DZIP1L: variants seen among roughly 807,000 people sequenced by gnomAD.
DZIP1L encodes cilium assembly protein DZIP1L.
DZIP1L carries 90 observed loss-of-function variants against 88.7 expected under a neutral mutation model. The observed-to-expected ratio is 1.02, with a 90% confidence interval of 0.86 to 1.21. The LOEUF is 1.21. Among genes scored for constraint, DZIP1L ranks in the 50% most tolerant of loss-of-function variants. DZIP1L has a pLI of 0.00. For missense variants in DZIP1L, 932 were observed against 955.8 expected, an observed-to-expected ratio of 0.98 and a Z score of 0.33; for synonymous variants, 363 against 372.1, an observed-to-expected ratio of 0.98 and a Z score of 0.28.
rs1257106992 is a variant in DZIP1L, at chr3:138,063,209, AAC to A, written c.2143-234_2143-233del. Among the ~76,000 whole-genome samples, 2 of 152,118 alleles carry A rather than the reference AAC, an allele frequency of 1.3e-5. No homozygotes were observed. Among genetic ancestry groups the A allele is most frequent in the Non-Finnish European group, 2.9e-5 (2 of 68,006 alleles). Reference sequence around the variant, plus strand: ...TTTCAAATACCCCTGAAATTCTACTAACCAAACCCAGGCAAGTGCCTTGGAAA... The same window carrying A: ...TTTCAAATACCCCTGAAATTCTACTACAAACCCAGGCAAGTGCCTTGGAAA... On this transcript the variant is annotated intron_variant, in intron 15 of 15. Transcript: ENST00000327532. This position sits in a 1 kb window ranked among gnomAD's most constrained non-coding sequence, Gnocchi z 4.1.
intron 4 of DZIP1L, among the ~76,000 whole-genome samples, chr3:138,093,484 T>C (rs562562156): frequency 6.6e-6 from 1 of 152,340 alleles, no homozygotes; most frequent in Non-Finnish European, 1.5e-5. Flanking sequence ...CCAGCTGTAT[T>C]AGACCCTAAA....
intron 1 of DZIP1L, among the ~76,000 whole-genome samples, chr3:138,115,064 G>C (rs1211320412): frequency 6.6e-6 from 1 of 152,170 alleles, no homozygotes; most frequent in Non-Finnish European, 1.5e-5. Context: ...CCGCGCACGG[G>C]TCCTTCCCTC....
At chr3:138,104,813 A>G (rs1199632080) in intron 1 of DZIP1L, among the ~76,000 whole-genome samples, 1 of 152,184 alleles carries the variant, frequency 6.6e-6, no homozygotes, top group African/African-American at 2.4e-5. Flanking sequence ...CAAGACTCAG[A>G]TTCTACTCTC....
intron 1 of DZIP1L, among the ~76,000 whole-genome samples, chr3:138,112,819 T>C (rs745341181): frequency 7.2e-5 from 11 of 152,224 alleles, no homozygotes; most frequent in Middle Eastern, 3.4e-3. Flanking sequence ...TGGTGGCTCA[T>C]GCCTGTAGTC....
chr3:138,080,237 T>C (rs1943585819), intron 10 of DZIP1L: 1 of 233,738 alleles, frequency 4.3e-6, no homozygotes, highest in Admixed American at 5.0e-5. Flanking sequence ...TTCTGCATAG[T>C]CGCAGGTGAG....
intron 2 of DZIP1L, chr3:138,102,234 T>C (rs868191630): frequency 1.4e-6 from 2 of 1,421,190 alleles, no homozygotes; most frequent in African/African-American, 1.4e-5. Flanking sequence ...CTCCTCTTCA[T>C]ACAGCTGCCT....
intron 3 of DZIP1L, among the ~76,000 whole-genome samples, chr3:138,096,672 A>G (rs546750701): frequency 6.6e-6 from 1 of 152,370 alleles, no homozygotes; most frequent in South Asian, 2.1e-4. Flanking sequence ...TTATTCAAAA[A>G]AAATTTAAGG....
At position 138,062,860 on chromosome 3, in the gene DZIP1L, T is replaced by C; in HGVS notation, c.2260A>G (p.Thr754Ala). 1 of 1,614,168 alleles carries C rather than the reference T, an allele frequency of 6.2e-7. No homozygotes were observed. ...GGTTGGCCAGAGCTCTGTGGACCAG[T>C]GCCAAACTTCTCTGGGAGCTTTGAG... is the stretch of plus-strand genomic sequence containing the variant. ...SRSKLPEKFG[T>A]GPQSSGQPRV... Residue 754 changes from threonine (T) to alanine (A), a missense_variant, in exon 16 of 16, where the codon ACT becomes GCT. Thr to Ala is a moderately conservative substitution (Grantham distance 58). Transcript: ENST00000327532.
At chr3:138,076,591 C>T (rs186801793) in intron 11 of DZIP1L, among the ~76,000 whole-genome samples, 2 of 152,258 alleles carry the variant, frequency 1.3e-5, no homozygotes, top group Admixed American at 1.3e-4. Context: ...TAAAAAGGAA[C>T]AAAATGATGG....
intron 3 of DZIP1L, 143 bp from the exon 4 acceptor site, chr3:138,095,126 C>T (rs1944410450): frequency 8.0e-7 from 1 of 1,249,186 alleles, no homozygotes; most frequent in Admixed American, 2.4e-5. Context: ...AGAACATAAC[C>T]TCCCTGTCCC....
chr3:138,072,856 C>T (rs569412694), intron 11 of DZIP1L, among the ~76,000 whole-genome samples: 4 of 152,264 alleles, frequency 2.6e-5, no homozygotes, highest in African/African-American at 9.6e-5. Context: ...ACTTTAGGAC[C>T]GCAGGCTGCG....
At chr3:138,071,545 G>T in intron 12 of DZIP1L, 98 bp downstream of exon 12, 1 of 1,377,200 alleles carries the variant, frequency 7.3e-7, no homozygotes, top group Non-Finnish European at 9.7e-7. Flanking sequence ...GCCCCTAATG[G>T]GGGACAGAGA....
chr3:138,083,982 GACTCTTCTCTCTCCTT>G (rs1943800031), intron 8 of DZIP1L, 115 bp downstream of exon 8: 1 of 1,303,802 alleles, frequency 7.7e-7, no homozygotes, highest in East Asian at 2.4e-5. Flanking sequence ...CATGCCAGAG[GACTCTTCTCTCTCCTT>G]AAGGAGCCTG....
At chr3:138,111,734 C>A (rs1284693904) in intron 1 of DZIP1L, among the ~76,000 whole-genome samples, 2 of 152,190 alleles carry the variant, frequency 1.3e-5, no homozygotes, top group Non-Finnish European at 2.9e-5. Flanking sequence ...GTGGCTCACA[C>A]CTGTAATCCC....
chr3:138,094,583 T>C (rs1944378985), intron 4 of DZIP1L, among the ~76,000 whole-genome samples: 1 of 152,378 alleles, frequency 6.6e-6, no homozygotes, highest in East Asian at 1.9e-4. Flanking sequence ...TGTACGAAGC[T>C]AAAATTCAGG....
At position 138,103,057 on chromosome 3, in the gene DZIP1L, C is replaced by G. The variant is rs572321805; in HGVS notation, c.501+414G>C. 85 of 437,072 alleles carry G rather than the reference C, an allele frequency of 1.9e-4. No individual in the cohort carries two copies. The South Asian group carries it at 2.0e-3, about 10-fold the overall frequency. 27.1% of individuals were successfully genotyped at this position (437,072 alleles called of 1,614,324 possible). A position where few individuals can be genotyped will look rare whatever the true frequency, so the allele number is the denominator to read the frequency against. On this transcript the variant is annotated intron_variant, in intron 2 of 15. Transcript: ENST00000327532. Reference sequence around the variant, plus strand: ...GAGTTGTATCCTTTATAACATAGTACAAGCACACATTACACACCACACACC... The same window carrying G: ...GAGTTGTATCCTTTATAACATAGTAGAAGCACACATTACACACCACACACC...
chr3:138,064,081 C>G (rs530307775), intron 15 of DZIP1L, among the ~76,000 whole-genome samples: 3 of 152,168 alleles, frequency 2.0e-5, no homozygotes, highest in Non-Finnish European at 4.4e-5. Flanking sequence ...CATCTGAGCT[C>G]TAAGTCTGAA....
chr3:138,089,460 A>G (rs1944102147), intron 5 of DZIP1L, among the ~76,000 whole-genome samples: 1 of 152,234 alleles, frequency 6.6e-6, no homozygotes, highest in Non-Finnish European at 1.5e-5. Flanking sequence ...GGTCTAATCT[A>G]AAGTTCTCTC....
At position 138,103,379 on chromosome 3, in the gene DZIP1L, A is replaced by G. The variant is rs1439806093; in HGVS notation, c.501+92T>C. On this transcript the variant is annotated intron_variant, in intron 2 of 15. Coordinates refer to ENST00000327532, the MANE Select transcript of DZIP1L (RefSeq NM_173543.3). ...TGAGAACAGCCCCCCAGCAGCCTTA[A>G]GGTCCCAGCAGTGCTGCCCAGTGGC... is the stretch of plus-strand genomic sequence containing the variant. The G allele has an allele frequency of 3.6e-6, 5 of 1,398,956 alleles. No individual in the cohort carries two copies. The East Asian group carries it at 9.2e-5, about 26-fold the overall frequency. The allele number at this position is 1,398,956 out of a possible 1,614,324, so 86.7% of individuals were successfully genotyped here. A position where few individuals can be genotyped will look rare whatever the true frequency, so the allele number is the denominator to read the frequency against.
Sources: allele counts gnomAD v4.1 joint callset (sites outside exome capture counted in the v4.1 genomes callset), GRCh38; gene constraint gnomAD v4.1.1; non-coding constraint Gnocchi (gnomAD v3.1); transcripts MANE v1.5; gene names NCBI Gene and HGNC (gene_info 2026-07-23, HGNC 2026-07-21).